Variants in DMD observed in about 807,000 individuals in gnomAD.
DMD encodes mutant dystrophin.
In DMD, 63 loss-of-function variants were observed where a neutral mutation model predicts 330.1. That is an observed-to-expected ratio of 0.19 (90% CI 0.16 to 0.24). DMD has a LOEUF of 0.24. Ranked by LOEUF, DMD falls within the 10% of genes least tolerant of loss-of-function variation. The probability of loss-of-function intolerance (pLI) is 1.00; values close to 1 mark genes in which losing one functional copy is unlikely to be tolerated. For missense variants in DMD, 3,344 were observed against 2,684.1 expected, an observed-to-expected ratio of 1.25 and a Z score of -5.43; for synonymous variants, 1,223 against 959.8, an observed-to-expected ratio of 1.27 and a Z score of -5.07.
At chrX:31,916,315 T>A (rs2094608182) in intron 47 of DMD, among the ~76,000 whole-genome samples, 1 of 112,285 alleles carries the variant, frequency 8.9e-6, no homozygotes, top group African/African-American at 3.2e-5. Context: ...ATTTGTTACA[T>A]AACACTATTG....
intron 55 of DMD, among the ~76,000 whole-genome samples, chrX:31,588,398 C>A (rs753210842): frequency 1.8e-5 from 2 of 111,285 alleles, no homozygotes; most frequent in African/African-American, 3.3e-5. Context: ...CCCACCCTAA[C>A]TTTTTCCCCT....
At chrX:31,336,387 T>C (rs1248146160) in intron 61 of DMD, among the ~76,000 whole-genome samples, 1 of 112,133 alleles carries the variant, frequency 8.9e-6, no homozygotes, top group Non-Finnish European at 1.9e-5. Flanking sequence ...CAGCCCCCAA[T>C]AATTTTTGCC....
At chrX:33,041,983 A>G (rs1233782110) in intron 1 of DMD, among the ~76,000 whole-genome samples, 1 of 111,392 alleles carries the variant, frequency 9.0e-6, no homozygotes, top group East Asian at 2.8e-4. Flanking sequence ...TCATATAGAT[A>G]AGAAAATGCT....
At chrX:32,242,861 T>G (rs1050955549) in intron 43 of DMD, among the ~76,000 whole-genome samples, 6 of 109,233 alleles carry the variant, frequency 5.5e-5, no homozygotes, top group East Asian at 2.9e-4. Context: ...GTAGCAATAT[T>G]TTTGTTATTG....
intron 1 of DMD, among the ~76,000 whole-genome samples, chrX:33,186,473 T>C (rs1316246184): frequency 9.0e-6 from 1 of 110,823 alleles, no homozygotes; most frequent in African/African-American, 3.3e-5. Context: ...AAACAAGAAA[T>C]AGCAGTCAAT....
intron 48 of DMD, among the ~76,000 whole-genome samples, chrX:31,851,103 T>C (rs1166242867): frequency 8.9e-6 from 1 of 111,812 alleles, no homozygotes; most frequent in Non-Finnish European, 1.9e-5. Context: ...TTCTTTGTCT[T>C]TCCTCTCATG....
intron 16 of DMD, among the ~76,000 whole-genome samples, chrX:32,549,300 C>G (rs2049286460): frequency 9.0e-6 from 1 of 111,464 alleles, no homozygotes; most frequent in Non-Finnish European, 1.9e-5. Context: ...AAGAGTAACA[C>G]ATTTCTTCAC....
intron 42 of DMD, among the ~76,000 whole-genome samples, chrX:32,307,816 C>A (rs539076159): frequency 9.0e-6 from 1 of 111,146 alleles, no homozygotes; most frequent in Admixed American, 9.6e-5. Flanking sequence ...AAAATTTTAT[C>A]ATGAAAATGA....
At chrX:32,548,778 T>A (rs1394525611) in intron 16 of DMD, among the ~76,000 whole-genome samples, 1 of 111,669 alleles carries the variant, frequency 9.0e-6, no homozygotes, top group Admixed American at 9.5e-5. Flanking sequence ...TTTAAATCTA[T>A]CATTTCTATT....
intron 44 of DMD, among the ~76,000 whole-genome samples, chrX:32,178,505 A>C (rs1475355822): frequency 9.1e-6 from 1 of 109,912 alleles, no homozygotes; most frequent in Non-Finnish European, 1.9e-5. Flanking sequence ...TTTATCAAAA[A>C]TCTTGAATAC....
chrX:32,653,272 T>C (rs780280083), intron 9 of DMD, among the ~76,000 whole-genome samples: 93 of 112,147 alleles, frequency 8.3e-4, no homozygotes, highest in African/African-American at 2.8e-3. Context: ...GGTTTTCTTC[T>C]AGGTTTTTAT....
chrX:32,190,550 T>TTAGATATATATATA lies in DMD; in HGVS notation c.6438+26365_6438+26366insTATATATATATCTA, dbSNP rs1198323604. ...ATTCTAGCTAACCATATTTAAAATTTTATATATATATATATATATATATAT... is the reference window on the plus strand; with the variant it reads ...ATTCTAGCTAACCATATTTAAAATTTTAGATATATATATATATATATATATATATATATATATAT... On this transcript the variant is annotated intron_variant, in intron 44 of 78. Transcript: ENST00000357033. Among the ~76,000 whole-genome samples the TTAGATATATATATA allele has an allele frequency of 1.2e-3, 75 of 62,520 alleles. 2 individuals carry two copies. The highest frequency in any genetic ancestry group is 0.011 in the Admixed American group (60 of 5,410). 54.3% of individuals were successfully genotyped at this position (62,520 alleles called of 115,157 possible).
chrX:31,396,505 C>T (rs1484292616), intron 60 of DMD, among the ~76,000 whole-genome samples: 1 of 105,844 alleles, frequency 9.4e-6, no homozygotes, highest in Non-Finnish European at 1.9e-5. Context: ...AGAGACTGAT[C>T]TCACCCATAC....
intron 17 of DMD, among the ~76,000 whole-genome samples, chrX:32,522,373 G>T (rs758850704): frequency 9.0e-6 from 1 of 110,990 alleles, no homozygotes; most frequent in Non-Finnish European, 1.9e-5. Context: ...TTTAATTGAC[G>T]CATAATAGAT....
rs767300805 is a variant in DMD, at chrX:31,721,685, A to ACTCTCTCTCT, written c.7660+7936_7660+7945dup. On this transcript the variant is annotated intron_variant, in intron 52 of 78. Coordinates refer to ENST00000357033, the MANE Select transcript of DMD (RefSeq NM_004006.3). The stretch of plus-strand genomic sequence containing the variant: ...TATTACCAATCTCTCTCTCTCTCTC[A>ACTCTCTCTCT]CTCTCTCTCTCTCTCTCTCTCTCTC... 8.1e-4 allele frequency among the ~76,000 whole-genome samples: 32 copies of ACTCTCTCTCT among 39,570 alleles called. No individual in the cohort carries two copies. The South Asian group carries it at 0.019, about 23-fold the overall frequency. 34.4% of individuals were successfully genotyped at this position (39,570 alleles called of 115,157 possible).
rs541840385 is a variant in DMD, at chrX:33,279,283, T to C, written c.7+59976A>G. Among the ~76,000 whole-genome samples the C allele has an allele frequency of 5.4e-5, 6 of 111,852 alleles. No individual in the cohort carries two copies. In the South Asian group the frequency reaches 1.8e-3, roughly 34 times the overall value. On this transcript the variant is annotated intron_variant, in intron 1 of 17. Coordinates refer to the DMD transcript ENST00000288447. ...AAGAGGACCTCTCAAAACCACACAATTACATGGAAACCAAACAACTTGCTC... is the reference window on the plus strand; with the variant it reads ...AAGAGGACCTCTCAAAACCACACAACTACATGGAAACCAAACAACTTGCTC...
chrX:33,338,966 T>A (rs1307348186), intron 1 of DMD, among the ~76,000 whole-genome samples: 2 of 111,411 alleles, frequency 1.8e-5, no homozygotes, highest in Admixed American at 1.9e-4. Context: ...CCTGTCATCA[T>A]CTACCTGAAG....
At chrX:32,735,405 G>GA (rs2068317989) in intron 7 of DMD, among the ~76,000 whole-genome samples, 1 of 110,478 alleles carries the variant, frequency 9.1e-6, no homozygotes, top group Non-Finnish European at 1.9e-5. Flanking sequence ...CACAGAATTG[G>GA]AAAAAACTAC....
intron 16 of DMD, among the ~76,000 whole-genome samples, chrX:32,549,191 C>T (rs1274542766): frequency 8.9e-6 from 1 of 111,872 alleles, no homozygotes. Flanking sequence ...CCAGTCTCCA[C>T]AATTATTAAA....
Sources: allele counts gnomAD v4.1 joint callset (sites outside exome capture counted in the v4.1 genomes callset), GRCh38; gene constraint gnomAD v4.1.1; transcripts MANE v1.5; gene names NCBI Gene and HGNC (gene_info 2026-07-23, HGNC 2026-07-21).